HDAC2: variants seen among roughly 807,000 people sequenced by gnomAD.
The protein encoded by HDAC2 is histone deacetylase 2.
Under a neutral mutation model 68.5 loss-of-function variants are expected in HDAC2, and 5 were observed. The ratio of observed to expected loss-of-function variants is 0.07; its 90% CI spans 0.04 to 0.15. The LOEUF (loss-of-function observed/expected upper bound fraction) is 0.15, where lower values mean the gene tolerates loss of function less well. HDAC2 is among the 10% of genes least tolerant of loss of function. HDAC2 has a pLI of 1.00. For synonymous variants in HDAC2, 182 were observed against 191.3 expected (o/e 0.95, Z 0.40); for missense variants, 291 against 600.8 (o/e 0.48, Z 5.39).
In HDAC2 at chr6:113,937,398, C is replaced by T. The variant is rs968978233; in HGVS notation, c.*3660G>A. On this transcript the variant is annotated 3_prime_UTR_variant, in exon 14 of 14. Transcript: ENST00000519065. ...AGGGCAAAGCTTAGATATGATGTAA[C>T]TAGCTTAGAGTACCAATGCTGACTT... The T allele has an allele frequency of 2.0e-4, 30 of 152,178 alleles. No homozygotes were observed. The highest frequency in any genetic ancestry group is 7.2e-4 in the African/African-American group (30 of 41,446). 9.4% of individuals were successfully genotyped at this position (152,178 alleles called of 1,614,324 possible). A position where few individuals can be genotyped will look rare whatever the true frequency, so the allele number is the denominator to read the frequency against.
At chr6:113,960,560 T>C (rs1246481648) in intron 1 of HDAC2, among the ~76,000 whole-genome samples, 1 of 152,060 alleles carries the variant, frequency 6.6e-6, no homozygotes. Flanking sequence ...GACACAGCAT[T>C]ACATTTTTCA....
chr6:113,967,263 G>A (rs894690241), intron 1 of HDAC2, among the ~76,000 whole-genome samples: 1 of 152,058 alleles, frequency 6.6e-6, no homozygotes, highest in Non-Finnish European at 1.5e-5. Context: ...CGAGTAACTG[G>A]GACTACTGGT....
intron 4 of HDAC2, 63 bp from the exon 5 acceptor site, chr6:113,956,214 C>CA: frequency 7.4e-7 from 1 of 1,345,220 alleles, no homozygotes; most frequent in Non-Finnish European, 1.0e-6. Context: ...TAGAATGAGA[C>CA]AAAAACACTA....
intron 8 of HDAC2, chr6:113,948,276 GGAGAACCAATACAACAGAAAAAAAGCA>G (rs1406551898): frequency 2.0e-5 from 3 of 152,128 alleles, no homozygotes; most frequent in Admixed American, 2.0e-4. Flanking sequence ...GAGCCACCAG[GGAGAACCAATACAACAGAAAAAAAGCA>G]GAGAACAGCT....
Position 113,938,301 on chromosome 6 carries a change from TTCC to T in HDAC2, c.*2754_*2756del, listed in dbSNP as rs1776050950. 1 of 152,230 alleles carries T rather than the reference TTCC, an allele frequency of 6.6e-6. No homozygotes were observed. Among genetic ancestry groups the T allele is most frequent in the South Asian group, 2.1e-4 (1 of 4,834 alleles). The allele number at this position is 152,230 out of a possible 1,614,324, so 9.4% of individuals were successfully genotyped here. ...CCAGTTCACATCCTTATACATTTTG[TTCC>T]TCTACTATCTTTAGATATGAGCCTT... is the stretch of plus-strand genomic sequence containing the variant. On this transcript the variant is annotated 3_prime_UTR_variant, in exon 14 of 14. Coordinates refer to ENST00000519065, the MANE Select transcript of HDAC2 (RefSeq NM_001527.4).
rs367703889 is a variant in HDAC2 at position 113,955,428 on chromosome 6, G to C, written c.497+585C>G. Among the ~76,000 whole-genome samples, 5 of 152,044 alleles carry C rather than the reference G, an allele frequency of 3.3e-5. No individual in the cohort carries two copies. In the East Asian group the frequency reaches 9.7e-4, roughly 29 times the overall value. On this transcript the variant is annotated intron_variant, in intron 5 of 13. Transcript: ENST00000519065. ...GGGTTTCACCATGTTGGTCAGGCTGGTCTCAAACCCCTGACCTCATAATCC... is the reference window on the plus strand; with the variant it reads ...GGGTTTCACCATGTTGGTCAGGCTGCTCTCAAACCCCTGACCTCATAATCC...
At chr6:113,957,612 A>G (rs1459269068) in intron 3 of HDAC2, among the ~76,000 whole-genome samples, 1 of 151,958 alleles carries the variant, frequency 6.6e-6, no homozygotes, top group Non-Finnish European at 1.5e-5. Flanking sequence ...CAGCCTACAG[A>G]GTAGTGGGAT....
rs965328934 is a variant in HDAC2 at position 113,935,039 on chromosome 6, T to C, written c.*6019A>G. ...TAGAAATCTAGCCTTTTTAAGAATA[T>C]AACTTTGGAAATACTGGTGAATGGT... On this transcript the variant is annotated 3_prime_UTR_variant, in exon 14 of 14. Transcript: ENST00000519065. The C allele has an allele frequency of 2.6e-5, 4 of 152,172 alleles. No homozygotes were observed. Among genetic ancestry groups the C allele is most frequent in the Non-Finnish European group, 4.4e-5 (3 of 68,032 alleles). The allele number at this position is 152,172 out of a possible 1,614,324, so 9.4% of individuals were successfully genotyped here.
At chr6:113,958,798 A>C in intron 2 of HDAC2, 32 bp from the exon 3 acceptor site, 1 of 1,208,926 alleles carries the variant, frequency 8.3e-7, no homozygotes, top group Non-Finnish European at 1.2e-6. Flanking sequence ...AGAACTGTGG[A>C]ATTACAACCG....
At chr6:113,956,982 T>G in intron 3 of HDAC2, 1 of 243,064 alleles carries the variant, frequency 4.1e-6, no homozygotes, top group East Asian at 8.0e-5. Context: ...TCTTATTTAA[T>G]TAAAACACAG....
At chr6:113,953,236 G>A (rs1185361875) in intron 6 of HDAC2, 41 bp downstream of exon 6, 2 of 1,496,928 alleles carry the variant, frequency 1.3e-6, no homozygotes, top group Non-Finnish European at 1.8e-6. Flanking sequence ...GATCTCCTAG[G>A]TTCATCTCAC....
At chr6:113,955,518 A>C (rs1776532339) in intron 5 of HDAC2, among the ~76,000 whole-genome samples, 1 of 150,956 alleles carries the variant, frequency 6.6e-6, no homozygotes, top group African/African-American at 2.4e-5. Flanking sequence ...CCTTTTATAC[A>C]CTTCTAATTC....
rs772731955 is a variant in HDAC2, at chr6:113,960,076, T to G, written c.53-58A>C. On this transcript the variant is annotated intron_variant, in intron 1 of 13. Transcript: ENST00000519065. ...AGACAAGAGACCCTCCATGAACTATTTGAATTTATGTATGTCTATCATTAG... is the reference window on the plus strand; with the variant it reads ...AGACAAGAGACCCTCCATGAACTATGTGAATTTATGTATGTCTATCATTAG... The G allele has an allele frequency of 3.5e-6, 3 of 846,872 alleles. No homozygotes were observed. The African/African-American group carries it at 5.0e-5, about 14-fold the overall frequency. The allele number at this position is 846,872 out of a possible 1,614,324, so 52.5% of individuals were successfully genotyped here.
Position 113,963,473 on chromosome 6 carries a change from T to C in HDAC2, c.53-3455A>G, listed in dbSNP as rs1776739601. ...TAAATGGTCAGTAATGTATTAATAA[T>C]TTGGGCATTTTAAATGTTACTGATT... On this transcript the variant is annotated intron_variant, in intron 1 of 13. Coordinates refer to ENST00000519065, the MANE Select transcript of HDAC2 (RefSeq NM_001527.4). Among the ~76,000 whole-genome samples the C allele has an allele frequency of 2.6e-5, 4 of 152,290 alleles. No individual in the cohort carries two copies. The South Asian group carries it at 8.3e-4, about 32-fold the overall frequency.
In HDAC2 at chr6:113,956,654, A is replaced by G. The variant is rs1776561501; in HGVS notation, c.323T>C (p.Phe108Ser). 2.5e-6 allele frequency: 4 copies of G among 1,613,386 alleles called. No individual in the cohort carries two copies. Among genetic ancestry groups the G allele is most frequent in the Non-Finnish European group, 2.5e-6 (3 of 1,179,412 alleles). Residue 108 changes from phenylalanine to serine, a missense_variant, in exon 4 of 14, where the codon TTT becomes TCT. Physicochemically the swap from Phe to Ser is radical, Grantham distance 155 (BLOSUM62 -2). This residue lies in a region of HDAC2 where 154 missense variants were observed against 472.1 expected (regional missense o/e 0.33). Transcript: ENST00000519065. ...GEDCPVFDGL[F>S]EFCQLSTGGS... is the part of the protein sequence containing the mutation. ...GCCAGTTGAGAGCTGACAAAACTCA[A>G]AGAGTCCATCAAACACTGGACAATC...
In HDAC2 at chr6:113,943,440, C is replaced by G; in HGVS notation, c.1289G>C (p.Gly430Ala). 1 of 1,610,388 alleles carries G rather than the reference C, an allele frequency of 6.2e-7. No individual in the cohort carries two copies. The highest frequency in any genetic ancestry group is 8.5e-7 in the Non-Finnish European group (1 of 1,179,006). Residue 430 changes from glycine (G) to alanine (A), a missense_variant, in exon 12 of 14, where the codon GGA (glycine) becomes GCA (alanine). By Grantham distance (60) the Gly-to-Ala change is moderately conservative. This residue lies in a region of HDAC2 where 137 missense variants were observed against 128.7 expected (regional missense o/e 1.06). Coordinates refer to ENST00000519065, the MANE Select transcript of HDAC2 (RefSeq NM_001527.4). ...ATGATCAGCCACATTTCTTCGACCT[C>G]CTTCTCCTTCATCCTCAGAATCTGA... ...EFSDSEDEGE[G>A]GRRNVADHKK... is the part of the protein sequence containing the mutation.
intron 6 of HDAC2, among the ~76,000 whole-genome samples, chr6:113,951,801 T>C (rs560139870): frequency 1.1e-3 from 166 of 152,270 alleles, no homozygotes; most frequent in African/African-American, 3.8e-3. Context: ...GAAAAAGAGA[T>C]GTTGAAAGCC....
At chr6:113,965,639 G>C (rs1039991316) in intron 1 of HDAC2, among the ~76,000 whole-genome samples, 11 of 152,088 alleles carry the variant, frequency 7.2e-5, no homozygotes, top group Non-Finnish European at 1.2e-4. Context: ...CCAAAGTGCT[G>C]GGATTATAGG....
chr6:113,968,963 G>A (rs928081021), intron 1 of HDAC2, among the ~76,000 whole-genome samples: 5 of 152,114 alleles, frequency 3.3e-5, no homozygotes, highest in African/African-American at 1.2e-4. Context: ...ACAGCTTCGA[G>A]AAGGACCTCA....
Sources: allele counts gnomAD v4.1 joint callset (sites outside exome capture counted in the v4.1 genomes callset), GRCh38; gene constraint gnomAD v4.1.1; regional missense constraint gnomAD v4.1.1; transcripts MANE v1.5; gene names NCBI Gene and HGNC (gene_info 2026-07-23, HGNC 2026-07-21).